ATP2C1: variants seen among roughly 807,000 people sequenced by gnomAD.
ATP2C1 encodes calcium-transporting ATPase type 2C member 1.
Under a neutral mutation model 120.5 loss-of-function variants are expected in ATP2C1, and 31 were observed. The ratio of observed to expected loss-of-function variants is 0.26; its 90% CI spans 0.19 to 0.35. The LOEUF is 0.35. ATP2C1 is among the 10% of genes least tolerant of loss of function. ATP2C1 has a pLI of 1.00. For missense variants in ATP2C1, 731 were observed against 1,107.5 expected (o/e 0.66, Z 4.83); for synonymous variants, 351 against 358.7 (o/e 0.98, Z 0.24).
chr3:130,949,997 T>G (rs1043678587), intron 8 of ATP2C1, among the ~76,000 whole-genome samples: 1 of 152,146 alleles, frequency 6.6e-6, no homozygotes, highest in Non-Finnish European at 1.5e-5. Context: ...GTACCGTATG[T>G]CAAACCGTTC....
chr3:130,937,283 A>AGGT lies in ATP2C1; in HGVS notation c.325-144_325-142dup, dbSNP rs2059714691. 4 of 721,274 alleles carry AGGT rather than the reference A, an allele frequency of 5.5e-6. No individual in the cohort carries two copies. The Middle Eastern group carries it at 1.2e-3, about 208-fold the overall frequency. 44.7% of individuals were successfully genotyped at this position (721,274 alleles called of 1,614,324 possible). A position where few individuals can be genotyped will look rare whatever the true frequency, so the allele number is the denominator to read the frequency against. On this transcript the variant is annotated intron_variant, in intron 5 of 27. Transcript: ENST00000510168. ...TTAGCTTCTTTCCCCACAGGCCTTA[A>AGGT]GGTAAAGTTGTGATTTCTTTTCCAG...
At chr3:130,939,872 C>T (rs2059820571) in intron 6 of ATP2C1, among the ~76,000 whole-genome samples, 1 of 152,180 alleles carries the variant, frequency 6.6e-6, no homozygotes, top group Non-Finnish European at 1.5e-5. Flanking sequence ...CTTCTACCTC[C>T]ACTATTTGCC....
At chr3:130,994,572 C>T (rs1300844365) in intron 22 of ATP2C1, among the ~76,000 whole-genome samples, 1 of 152,080 alleles carries the variant, frequency 6.6e-6, no homozygotes, top group Non-Finnish European at 1.5e-5. Flanking sequence ...GCCACAGTTT[C>T]CAGTTGATTT....
intron 2 of ATP2C1, among the ~76,000 whole-genome samples, chr3:130,901,248 C>T (rs1010723020): frequency 3.9e-5 from 6 of 152,070 alleles, no homozygotes; most frequent in African/African-American, 1.4e-4. Context: ...GAAATTCCAG[C>T]ATCCCTCCCC....
chr3:131,011,344 C>T (rs979371462), intron 26 of ATP2C1, among the ~76,000 whole-genome samples: 1 of 152,230 alleles, frequency 6.6e-6, no homozygotes, highest in Non-Finnish European at 1.5e-5. Context: ...GTTTTCCTGT[C>T]TCTGCAGCTT....
intron 1 of ATP2C1, among the ~76,000 whole-genome samples, chr3:130,864,743 G>T (rs1291120701): frequency 1.3e-5 from 2 of 152,254 alleles, no homozygotes; most frequent in Non-Finnish European, 2.9e-5. Context: ...TCCACGTGTT[G>T]TTGAGCCTGT....
At chr3:130,951,626 C>T (rs1481484865) in intron 8 of ATP2C1, among the ~76,000 whole-genome samples, 1 of 152,018 alleles carries the variant, frequency 6.6e-6, no homozygotes, top group African/African-American at 2.4e-5. Flanking sequence ...AAATATGTTT[C>T]TTTAATAAAG....
chr3:130,999,646 C>T lies in ATP2C1; in HGVS notation c.2616C>T (p.Ser872=). The change falls in exon 27 of 28, where the codon AGC becomes AGT. Residue 872 remains serine, a synonymous_variant. Coordinates refer to ENST00000510168, the MANE Select transcript of ATP2C1 (RefSeq NM_001378687.1). The stretch of plus-strand genomic sequence containing the variant: ...TTCAGAAGGTTTTTCAGACTGAGAG[C>T]CTAAGCATACTGGGTAAAGAAAACG... ...PPLQKVFQTE[S]LSILDLLFLL... is the part of the protein sequence containing the mutation. 3 of 1,612,264 alleles carry T rather than the reference C, an allele frequency of 1.9e-6. No homozygotes were observed. Among genetic ancestry groups the T allele is most frequent in the Non-Finnish European group, 2.5e-6 (3 of 1,178,642 alleles).
At chr3:130,871,183 C>G (rs2068417034) in intron 1 of ATP2C1, among the ~76,000 whole-genome samples, 1 of 152,116 alleles carries the variant, frequency 6.6e-6, no homozygotes, top group African/African-American at 2.4e-5. Flanking sequence ...ACTGGGAAAC[C>G]AAAAAATTTG....
intron 8 of ATP2C1, among the ~76,000 whole-genome samples, chr3:130,951,447 G>A (rs1482426126): frequency 6.6e-6 from 1 of 152,090 alleles, no homozygotes; most frequent in African/African-American, 2.4e-5. Flanking sequence ...TAGATATGTA[G>A]CATAGTGCCT....
chr3:130,965,153 T>G (rs917098198), intron 14 of ATP2C1, 108 bp downstream of exon 14: 29 of 750,032 alleles, frequency 3.9e-5, no homozygotes, highest in Non-Finnish European at 6.6e-5. Context: ...GGCTGTAAAT[T>G]AGTAGTGGAG....
At position 131,002,523 on chromosome 3, in the gene ATP2C1, G is replaced by T; in HGVS notation, c.*1173G>T. 1.0e-6 allele frequency: 1 copy of T among 985,384 alleles called. No homozygotes were observed. The highest frequency in any genetic ancestry group is 1.1e-4 in the East Asian group (1 of 8,822). The allele number at this position is 985,384 out of a possible 1,614,324, so 61.0% of individuals were successfully genotyped here. On this transcript the variant is annotated 3_prime_UTR_variant, in exon 28 of 28. Coordinates refer to ENST00000510168, the MANE Select transcript of ATP2C1 (RefSeq NM_001378687.1). ...TTTTTGTTTCATTGGGCATGCTAGGGAAATAGGTGGATTTTGTGTGTAATG... is the reference window on the plus strand; with the variant it reads ...TTTTTGTTTCATTGGGCATGCTAGGTAAATAGGTGGATTTTGTGTGTAATG...
chr3:130,863,120 A>C (rs111531977), intron 1 of ATP2C1, among the ~76,000 whole-genome samples: 358 of 152,314 alleles, frequency 2.4e-3, no homozygotes, highest in African/African-American at 8.4e-3. Context: ...ACTATAATAC[A>C]CAAGAGTCCA....
chr3:130,906,853 TC>T (rs1366617456), intron 2 of ATP2C1, among the ~76,000 whole-genome samples: 7 of 152,056 alleles, frequency 4.6e-5, no homozygotes, highest in African/African-American at 1.7e-4. Flanking sequence ...ATTTCTGCAC[TC>T]TGACTTCTAA....
chr3:130,851,005 A>G, intron 1 of ATP2C1: 3 of 823,828 alleles, frequency 3.6e-6, no homozygotes, highest in Non-Finnish European at 5.1e-6. Context: ...TAGTGATTTC[A>G]TTTGTGCTGG....
At chr3:130,852,930 C>T (rs1047786078) in intron 1 of ATP2C1, among the ~76,000 whole-genome samples, 7 of 152,168 alleles carry the variant, frequency 4.6e-5, no homozygotes, top group East Asian at 1.9e-4. Flanking sequence ...CATTTTACCA[C>T]GCTTGATCCC....
At chr3:130,930,199 G>A in intron 2 of ATP2C1, 2 of 542,842 alleles carry the variant, frequency 3.7e-6, no homozygotes, top group South Asian at 3.6e-5. Flanking sequence ...GTTCTAGCTG[G>A]GCACCGATGG....
At chr3:130,896,269 G>T (rs1367049621) in intron 2 of ATP2C1, among the ~76,000 whole-genome samples, 1 of 152,116 alleles carries the variant, frequency 6.6e-6, no homozygotes, top group Non-Finnish European at 1.5e-5. Flanking sequence ...TAATAAAGCC[G>T]ATTCTCATTA....
chr3:130,940,905 ATTTT>A (rs749879416), intron 7 of ATP2C1, among the ~76,000 whole-genome samples: 3 of 86,110 alleles, frequency 3.5e-5, no homozygotes, highest in African/African-American at 9.5e-5. Flanking sequence ...TATTTAACAG[ATTTT>A]TTTTTTTTTT....
Sources: allele counts gnomAD v4.1 joint callset (sites outside exome capture counted in the v4.1 genomes callset), GRCh38; gene constraint gnomAD v4.1.1; transcripts MANE v1.5; gene names NCBI Gene and HGNC (gene_info 2026-07-23, HGNC 2026-07-21).